Variants in NBAS observed in about 807,000 individuals in gnomAD.
The protein encoded by NBAS is NAG/BC035112 fusion.
A neutral mutation model predicts 302.5 loss-of-function variants in NBAS; 219 were observed. The observed-to-expected ratio is 0.72, with a 90% CI of 0.65 to 0.81. NBAS has a LOEUF of 0.81. NBAS is among the 30% of genes least tolerant of loss of function. The pLI is 0.00. For synonymous variants in NBAS, 1,118 were observed against 1,021.6 expected, an observed-to-expected ratio of 1.09 and a Z score of -1.80; for missense variants, 2,932 against 2,841.6, an observed-to-expected ratio of 1.03 and a Z score of -0.72.
At chr2:15,070,930 T>C in the NBAS span, among the ~76,000 whole-genome samples, 3 of 152,152 alleles carry the variant, frequency 2.0e-5, no homozygotes, top group Non-Finnish European at 4.4e-5. Flanking sequence ...AAACCACTGA[T>C]TTGAGCTCAA....
At chr2:15,232,820 G>A (rs1667437412) in intron 46 of NBAS, among the ~76,000 whole-genome samples, 1 of 151,018 alleles carries the variant, frequency 6.6e-6, no homozygotes, top group Non-Finnish European at 1.5e-5. Context: ...GCTACTTTAA[G>A]CATTAAATGT....
chr2:15,144,037 CTATATATAAAAA>C, the NBAS span, among the ~76,000 whole-genome samples: 3 of 45,888 alleles, frequency 6.5e-5, no homozygotes, highest in Admixed American at 2.3e-4. Flanking sequence ...ATATATTATC[CTATATATAAAAA>C]TATATATATA....
At chr2:15,032,228 G>C in the NBAS span, among the ~76,000 whole-genome samples, 1 of 152,230 alleles carries the variant, frequency 6.6e-6, no homozygotes, top group African/African-American at 2.4e-5. Flanking sequence ...CTACAAATGT[G>C]TAAGTGGCTT....
At chr2:14,877,667 A>G in the NBAS span, among the ~76,000 whole-genome samples, 2 of 151,684 alleles carry the variant, frequency 1.3e-5, no homozygotes, top group Non-Finnish European at 2.9e-5. Flanking sequence ...CTCAAATATC[A>G]TCATCCCAAG....
At chr2:15,375,951 A>G (rs934821182) in intron 30 of NBAS, among the ~76,000 whole-genome samples, 1 of 152,174 alleles carries the variant, frequency 6.6e-6, no homozygotes, top group Admixed American at 6.5e-5. Context: ...TATGCATAAT[A>G]GTAAGAATTT....
chr2:15,362,564 A>C (rs913482787), intron 32 of NBAS, among the ~76,000 whole-genome samples: 1 of 152,182 alleles, frequency 6.6e-6, no homozygotes, highest in Non-Finnish European at 1.5e-5. Context: ...TAAACCTATT[A>C]TTAGAATAAC....
At chr2:15,368,649 T>C (rs1418407050) in intron 31 of NBAS, among the ~76,000 whole-genome samples, 1 of 152,244 alleles carries the variant, frequency 6.6e-6, no homozygotes, top group Admixed American at 6.5e-5. Flanking sequence ...ATAGCTTCTG[T>C]AGACTGTATT....
intron 38 of NBAS, among the ~76,000 whole-genome samples, chr2:15,315,144 T>A (rs1334217105): frequency 1.3e-5 from 2 of 152,214 alleles, no homozygotes; most frequent in East Asian, 3.8e-4. Flanking sequence ...TTTTTGTAAT[T>A]CACTGTAAAT....
rs1670368880 is a variant in NBAS, at chr2:15,292,768, T to C, written c.4798-2A>G. The C allele has an allele frequency of 6.2e-7, 1 of 1,613,834 alleles. No individual in the cohort carries two copies. Among genetic ancestry groups the C allele is most frequent in the Non-Finnish European group, 8.5e-7 (1 of 1,179,844 alleles). ...CTTGATTAGTTCTTTGGGATCAGCC[T>C]ATGAAAGACATGGAAAAGAAGACAT... On this transcript the variant is annotated splice_acceptor_variant, in intron 40 of 51. Coordinates refer to ENST00000281513, the MANE Select transcript of NBAS (RefSeq NM_015909.4). LOFTEE classifies it high-confidence loss of function.
chr2:15,147,166 G>A, the NBAS span, among the ~76,000 whole-genome samples: 79 of 152,276 alleles, frequency 5.2e-4, 1 homozygote, highest in East Asian at 9.3e-3. Context: ...GTCCCTGGGA[G>A]GCAGGATTGT....
downstream of NBAS, among the ~76,000 whole-genome samples, chr2:15,164,724 G>T (rs2125091155): frequency 6.6e-6 from 1 of 152,278 alleles, no homozygotes; most frequent in South Asian, 2.1e-4. Context: ...AACATTTATG[G>T]TTAACATTCT....
intron 45 of NBAS, 97 bp from the exon 46 acceptor site, chr2:15,234,844 C>T: frequency 8.0e-7 from 1 of 1,250,048 alleles, no homozygotes; most frequent in South Asian, 1.2e-5. Flanking sequence ...GAACCAAATA[C>T]ATGAAAAGCA....
At chr2:14,813,342 C>T in the NBAS span, among the ~76,000 whole-genome samples, 4 of 152,062 alleles carry the variant, frequency 2.6e-5, no homozygotes, top group Non-Finnish European at 4.4e-5. Context: ...ATGGTTTTGG[C>T]CAAAATACTG....
the NBAS span, among the ~76,000 whole-genome samples, chr2:14,877,777 C>T: frequency 2.2e-3 from 329 of 152,208 alleles, 1 homozygote; most frequent in South Asian, 3.9e-3. Flanking sequence ...TTAATTAAGT[C>T]CTGGACTTAA....
chr2:15,441,021 TGC>T, intron 21 of NBAS, among the ~76,000 whole-genome samples: 1 of 152,168 alleles, frequency 6.6e-6, no homozygotes, highest in African/African-American at 2.4e-5. Flanking sequence ...AGACCAAATC[TGC>T]ATCTGATTGG....
the NBAS span, among the ~76,000 whole-genome samples, chr2:14,952,904 C>T: frequency 2.0e-5 from 3 of 152,294 alleles, no homozygotes; most frequent in African/African-American, 7.2e-5. Flanking sequence ...TATGGTCACA[C>T]GTAGGAGAAG....
chr2:15,023,151 A>G, the NBAS span, among the ~76,000 whole-genome samples: 1 of 152,136 alleles, frequency 6.6e-6, no homozygotes, highest in African/African-American at 2.4e-5. Flanking sequence ...TTTGATTTAT[A>G]AAAATGGAAT....
chr2:15,456,103 A>G (rs1038230214), intron 21 of NBAS, among the ~76,000 whole-genome samples: 1 of 152,220 alleles, frequency 6.6e-6, no homozygotes, highest in East Asian at 1.9e-4. Flanking sequence ...CTATAAAAAG[A>G]TGCATCAACT....
chr2:15,410,144 A>G (rs768129399), intron 25 of NBAS, among the ~76,000 whole-genome samples: 13 of 152,172 alleles, frequency 8.5e-5, no homozygotes, highest in Non-Finnish European at 1.3e-4. Context: ...ATTATTGACA[A>G]TGCATCTTTT....
Sources: allele counts gnomAD v4.1 joint callset (sites outside exome capture counted in the v4.1 genomes callset), GRCh38; gene constraint gnomAD v4.1.1; transcripts MANE v1.5; gene names NCBI Gene and HGNC (gene_info 2026-07-23, HGNC 2026-07-21).